The following MYT1L variants were observed in gnomAD, a reference collection of about 807,000 sequenced individuals.
MYT1L encodes the protein myelin transcription factor 1 like.
A neutral mutation model predicts 126.7 loss-of-function variants in MYT1L; 12 were observed. The ratio of observed to expected loss-of-function variants is 0.09; its 90% CI spans 0.06 to 0.15. The LOEUF (loss-of-function observed/expected upper bound fraction) is 0.15, where lower values mean the gene tolerates loss of function less well. MYT1L is among the 10% of genes least tolerant of loss of function. The probability of loss-of-function intolerance (pLI) is 1.00; values close to 1 mark genes in which losing one functional copy is unlikely to be tolerated. For synonymous variants in MYT1L, 541 were observed against 604.2 expected (o/e 0.90, Z 1.53); for missense variants, 979 against 1,585.2 (o/e 0.62, Z 6.49).
intron 8 of MYT1L, among the ~76,000 whole-genome samples, chr2:1,967,125 C>A (rs987639733): frequency 2.0e-5 from 3 of 152,192 alleles, no homozygotes; most frequent in Non-Finnish European, 2.9e-5. Flanking sequence ...GTTCTTTCAT[C>A]ATTTCTAGTC....
At chr2:2,213,577 T>C (rs1479774276) in intron 2 of MYT1L, among the ~76,000 whole-genome samples, 1 of 152,212 alleles carries the variant, frequency 6.6e-6, no homozygotes, top group African/African-American at 2.4e-5. Flanking sequence ...AGCCAGGTGC[T>C]AAACCTTATA....
intron 3 of MYT1L, among the ~76,000 whole-genome samples, chr2:2,061,214 T>G (rs2070433752): frequency 6.6e-6 from 1 of 152,070 alleles, no homozygotes; most frequent in African/African-American, 2.4e-5. Flanking sequence ...AAATGTGTGG[T>G]TTAACTCGTC....
At chr2:1,798,253 TCCATCCGGCACAGGCGTGGCGGTCTTCC>T (rs779748473) in intron 23 of MYT1L, among the ~76,000 whole-genome samples, 2 of 127,006 alleles carry the variant, frequency 1.6e-5, no homozygotes, top group African/African-American at 3.0e-5. Context: ...GCGGTCTCCC[TCCATCCGGCACAGGCGTGGCGGTCTTCC>T]CCATCCGGCA....
chr2:1,799,252 AG>A lies in MYT1L; in HGVS notation c.3276+2443del, dbSNP rs746510329. Among the ~76,000 whole-genome samples, 8 of 152,358 alleles carry A rather than the reference AG, an allele frequency of 5.3e-5. No homozygotes were observed. In the South Asian group the frequency reaches 1.7e-3, roughly 32 times the overall value. ...ACTCATCTCAGAGATAAAGGCACAA[AG>A]GAGCCAGTGAGAACAGACACAGACC... is the stretch of plus-strand genomic sequence containing the variant. On this transcript the variant is annotated intron_variant, in intron 23 of 24. Coordinates refer to ENST00000647738, the MANE Select transcript of MYT1L (RefSeq NM_001303052.2).
At chr2:2,064,466 T>C (rs943526203) in intron 3 of MYT1L, among the ~76,000 whole-genome samples, 1 of 152,172 alleles carries the variant, frequency 6.6e-6, no homozygotes, top group African/African-American at 2.4e-5. Flanking sequence ...CATCCTGAAA[T>C]GTAGATACGG....
chr2:2,118,908 A>G (rs893270035), intron 3 of MYT1L, among the ~76,000 whole-genome samples: 1 of 152,270 alleles, frequency 6.6e-6, no homozygotes, highest in African/African-American at 2.4e-5. Context: ...ATAAGGCGCC[A>G]TCTCCTAGGA....
chr2:1,987,157 A>C (rs1293646665), intron 5 of MYT1L, among the ~76,000 whole-genome samples: 2 of 152,138 alleles, frequency 1.3e-5, no homozygotes, highest in Non-Finnish European at 2.9e-5. Flanking sequence ...AAATTCAAAG[A>C]ATCAGAATTT....
intron 3 of MYT1L, among the ~76,000 whole-genome samples, chr2:2,149,163 C>T (rs2085346356): frequency 6.6e-6 from 1 of 152,114 alleles, no homozygotes. Flanking sequence ...CTTGGTTTCT[C>T]AATTATGTTC....
chr2:2,221,664 G>A (rs2093877396), intron 2 of MYT1L, among the ~76,000 whole-genome samples: 1 of 152,196 alleles, frequency 6.6e-6, no homozygotes. Flanking sequence ...TTACCCCGTG[G>A]CAGGAACTGG....
intron 8 of MYT1L, among the ~76,000 whole-genome samples, chr2:1,948,982 A>G (rs1371390536): frequency 6.6e-6 from 1 of 152,194 alleles, no homozygotes; most frequent in African/African-American, 2.4e-5. Context: ...GATTCCAAAA[A>G]TAATGCACTG....
chr2:2,103,189 G>A (rs755652727), intron 3 of MYT1L, among the ~76,000 whole-genome samples: 103 of 152,086 alleles, frequency 6.8e-4, no homozygotes, highest in Non-Finnish European at 1.3e-3. Context: ...AATATTCAGC[G>A]CTGCAACCAT....
chr2:2,242,912 A>C (rs1056164270), intron 2 of MYT1L, among the ~76,000 whole-genome samples: 1 of 152,284 alleles, frequency 6.6e-6, no homozygotes, highest in South Asian at 2.1e-4. Flanking sequence ...TCTAGGAAGG[A>C]TGCAGGGTTC....
intron 3 of MYT1L, among the ~76,000 whole-genome samples, chr2:2,128,213 T>C (rs2081956417): frequency 6.6e-6 from 1 of 152,198 alleles, no homozygotes; most frequent in South Asian, 2.1e-4. Context: ...CAGTAGTGTA[T>C]TTGGCTCAGT....
At chr2:2,164,964 C>T (rs540611066) in intron 3 of MYT1L, among the ~76,000 whole-genome samples, 1 of 152,308 alleles carries the variant, frequency 6.6e-6, no homozygotes, top group South Asian at 2.1e-4. Flanking sequence ...CACCAATAAA[C>T]ACTTTGGCTT....
At chr2:2,033,334 C>T (rs1367810934) in intron 4 of MYT1L, among the ~76,000 whole-genome samples, 24 of 148,416 alleles carry the variant, frequency 1.6e-4, no homozygotes, top group African/African-American at 6.0e-4. Flanking sequence ...TCGCCAGTGC[C>T]TCTCATCCTG....
intron 14 of MYT1L, among the ~76,000 whole-genome samples, chr2:1,898,691 A>G (rs1288791423): frequency 6.6e-6 from 1 of 152,200 alleles, no homozygotes; most frequent in Non-Finnish European, 1.5e-5. Flanking sequence ...ACCGAGCTCC[A>G]TGGACGCAGG....
intron 3 of MYT1L, among the ~76,000 whole-genome samples, chr2:2,087,495 G>T (rs1412507115): frequency 1.3e-5 from 2 of 152,178 alleles, no homozygotes; most frequent in African/African-American, 4.8e-5. Flanking sequence ...CATCTATGCT[G>T]CTGAGGGGAT....
At chr2:2,189,953 C>G (rs1281699499) in intron 2 of MYT1L, among the ~76,000 whole-genome samples, 3 of 152,142 alleles carry the variant, frequency 2.0e-5, no homozygotes, top group Admixed American at 2.0e-4. Flanking sequence ...CGGGACCACA[C>G]AGTTCCTTCT....
chr2:2,330,632 A>G (rs1457872143), intron 1 of MYT1L, among the ~76,000 whole-genome samples: 2 of 152,232 alleles, frequency 1.3e-5, no homozygotes, highest in Non-Finnish European at 2.9e-5. Context: ...TGTAATGTAA[A>G]GTAATCCAGT....
Sources: allele counts gnomAD v4.1 joint callset (sites outside exome capture counted in the v4.1 genomes callset), GRCh38; gene constraint gnomAD v4.1.1; transcripts MANE v1.5; gene names NCBI Gene and HGNC (gene_info 2026-07-23, HGNC 2026-07-21).